Variants in PWWP3B observed in about 807,000 individuals in gnomAD.
The protein encoded by PWWP3B is PWWP domain-containing DNA repair factor 3B.
In PWWP3B, 5 loss-of-function variants were observed where a neutral mutation model predicts 15.7. The observed-to-expected ratio is 0.32, with a 90% confidence interval of 0.17 to 0.67. The LOEUF (loss-of-function observed/expected upper bound fraction) is 0.67, where lower values mean the gene tolerates loss of function less well. Ranked by LOEUF, PWWP3B falls within the 30% of genes least tolerant of loss-of-function variation. PWWP3B has a pLI of 0.74. For missense variants in PWWP3B, 519 were observed against 493.1 expected (o/e 1.05, Z -0.50); for synonymous variants, 203 against 179.8 (o/e 1.13, Z -1.03).
At chrX:106,188,938 TA>T (rs1922692023) in intron 2 of PWWP3B, among the ~76,000 whole-genome samples, 1 of 112,626 alleles carries the variant, frequency 8.9e-6, no homozygotes, top group Non-Finnish European at 1.9e-5. Context: ...TTTTGGCAAT[TA>T]TGATTAAAGT....
At position 106,204,159 on chromosome X, in the gene PWWP3B, A is replaced by T; in HGVS notation, c.-226A>T. The T allele has an allele frequency of 8.9e-6, 1 of 112,386 alleles. No homozygotes were observed. The highest frequency in any genetic ancestry group is 1.9e-5 in the Non-Finnish European group (1 of 53,296). The allele number at this position is 112,386 out of a possible 1,213,427, so 9.3% of individuals were successfully genotyped here. On this transcript the variant is annotated 5_prime_UTR_variant, in exon 3 of 4. Transcript: ENST00000357175. ...CACAGGACCAGACCCACCAGGATCC[A>T]CATGACAGTGGGTAAGACTCTTCCC...
intron 2 of PWWP3B, among the ~76,000 whole-genome samples, chrX:106,194,619 G>T (rs1306893080): frequency 2.7e-5 from 3 of 111,740 alleles, no homozygotes; most frequent in Non-Finnish European, 5.6e-5. Flanking sequence ...GAGGCACTCT[G>T]ATTTTTAGAG....
intron 2 of PWWP3B, among the ~76,000 whole-genome samples, chrX:106,192,424 T>C (rs920913522): frequency 1.8e-5 from 2 of 111,752 alleles, no homozygotes; most frequent in Non-Finnish European, 3.8e-5. Context: ...TATTTGATTC[T>C]TCTCTCTTTT....
intron 2 of PWWP3B, among the ~76,000 whole-genome samples, chrX:106,200,205 T>G (rs976755679): frequency 9.0e-6 from 1 of 111,668 alleles, no homozygotes; most frequent in Non-Finnish European, 1.9e-5. Flanking sequence ...AAGACCCAAG[T>G]AGATGGTAGA....
intron 2 of PWWP3B, among the ~76,000 whole-genome samples, chrX:106,173,205 A>G (rs1006043088): frequency 1.1e-4 from 12 of 111,296 alleles, no homozygotes; most frequent in Non-Finnish European, 1.7e-4. Flanking sequence ...GTGGCAGCTT[A>G]GAAAAGATTA....
intron 2 of PWWP3B, among the ~76,000 whole-genome samples, chrX:106,190,784 C>A (rs1367336306): frequency 1.8e-5 from 2 of 111,809 alleles, no homozygotes; most frequent in African/African-American, 6.5e-5. Context: ...TTTCCCAGCA[C>A]TGTTTATTAA....
chrX:106,183,342 C>T (rs950775907), intron 2 of PWWP3B, among the ~76,000 whole-genome samples: 1 of 111,635 alleles, frequency 9.0e-6, no homozygotes, highest in Admixed American at 9.5e-5. Context: ...TCCTGTAATA[C>T]TTTATGAGCT....
chrX:106,179,424 G>A (rs1922069978), intron 2 of PWWP3B, among the ~76,000 whole-genome samples: 2 of 112,439 alleles, frequency 1.8e-5, no homozygotes, highest in African/African-American at 6.4e-5. Flanking sequence ...AGTGAAAATA[G>A]ATGGCATCTA....
At chrX:106,169,976 A>G (rs770969835) in intron 1 of PWWP3B, among the ~76,000 whole-genome samples, 42 of 110,675 alleles carry the variant, frequency 3.8e-4, no homozygotes, top group Non-Finnish European at 1.9e-4. Context: ...TATTAATTGG[A>G]GATATAAGTG....
chrX:106,188,841 G>T (rs1922686225), intron 2 of PWWP3B, among the ~76,000 whole-genome samples: 1 of 112,485 alleles, frequency 8.9e-6, no homozygotes, highest in Non-Finnish European at 1.9e-5. Context: ...GCATATATCA[G>T]TAATTTATTC....
At chrX:106,176,978 A>G (rs1028578324) in intron 2 of PWWP3B, among the ~76,000 whole-genome samples, 1 of 112,635 alleles carries the variant, frequency 8.9e-6, no homozygotes, top group Non-Finnish European at 1.9e-5. Flanking sequence ...GGATCTTGAA[A>G]TCGTTTTTAG....
intron 2 of PWWP3B, among the ~76,000 whole-genome samples, chrX:106,171,707 G>A (rs1291108909): frequency 9.4e-6 from 1 of 106,308 alleles, no homozygotes; most frequent in East Asian, 2.9e-4. Context: ...TACACACTTA[G>A]GCTATATGGT....
chrX:106,196,979 C>A (rs1217107806), intron 2 of PWWP3B, among the ~76,000 whole-genome samples: 1 of 111,338 alleles, frequency 9.0e-6, no homozygotes, highest in African/African-American at 3.3e-5. Context: ...AGTCTCTCTT[C>A]TTACTCTTGT....
intron 2 of PWWP3B, among the ~76,000 whole-genome samples, chrX:106,180,261 C>T (rs1020175925): frequency 9.0e-6 from 1 of 111,562 alleles, no homozygotes. Flanking sequence ...TCTCTCACCA[C>T]CCTCTCATAC....
chrX:106,206,156 CCTTTGTCAT>C lies in PWWP3B; in HGVS notation c.726_734del (p.Leu243_Ser245del). 1 of 1,209,649 alleles carries C rather than the reference CCTTTGTCAT, an allele frequency of 8.3e-7. No homozygotes were observed. The highest frequency in any genetic ancestry group is 1.1e-6 in the Non-Finnish European group (1 of 894,650). On this transcript the variant is annotated inframe_deletion, in exon 4 of 4. Coordinates refer to ENST00000357175, the MANE Select transcript of PWWP3B (RefSeq NM_001171020.2). ...TGAAAAGTTTGCTCCACCTTTGTCA[CCTTTGTCAT>C]CAGATATGCTCATTATGCCCAAAGC... is the stretch of plus-strand genomic sequence containing the variant.
chrX:106,197,949 G>A (rs1365111408), intron 2 of PWWP3B, among the ~76,000 whole-genome samples: 1 of 111,507 alleles, frequency 9.0e-6, no homozygotes, highest in Non-Finnish European at 1.9e-5. Flanking sequence ...AAAAATATAC[G>A]TATGGGTCTT....
At chrX:106,188,233 G>A (rs1922636990) in intron 2 of PWWP3B, among the ~76,000 whole-genome samples, 1 of 110,454 alleles carries the variant, frequency 9.1e-6, no homozygotes, top group Non-Finnish European at 1.9e-5. Flanking sequence ...CAAAAGTCAC[G>A]TGTTGTAGGT....
rs190863300 is a variant in PWWP3B, at chrX:106,183,392, G to T, written c.-401+12253G>T. 6.7e-4 allele frequency among the ~76,000 whole-genome samples: 75 copies of T among 111,614 alleles called. 1 individual carries two copies. The highest frequency in any genetic ancestry group is 1.9e-3 in the African/African-American group (59 of 30,692). ...ATATTGCTTTTGATAAGGAAAAGTG[G>T]TGGGGTCTTTTAGCCTGATTTGGAC... On this transcript the variant is annotated intron_variant, in intron 2 of 3. Coordinates refer to ENST00000357175, the MANE Select transcript of PWWP3B (RefSeq NM_001171020.2).
rs953543639 is a variant in PWWP3B at position 106,205,400 on chromosome X, G to T, written c.-33G>T. On this transcript the variant is annotated 5_prime_UTR_variant, in exon 4 of 4. Transcript: ENST00000357175. The stretch of plus-strand genomic sequence containing the variant: ...ACAAAGATAGCCACCTCAACCTTTG[G>T]TAATAACCCTTGGCACACAAATATA... 3 of 1,096,452 alleles carry T rather than the reference G, an allele frequency of 2.7e-6. No homozygotes were observed. The highest frequency in any genetic ancestry group is 3.8e-5 in the African/African-American group (2 of 53,123). 90.4% of individuals were successfully genotyped at this position (1,096,452 alleles called of 1,213,427 possible).
Sources: allele counts gnomAD v4.1 joint callset (sites outside exome capture counted in the v4.1 genomes callset), GRCh38; gene constraint gnomAD v4.1.1; transcripts MANE v1.5; gene names NCBI Gene and HGNC (gene_info 2026-07-23, HGNC 2026-07-21).